The following PHKB variants were observed in gnomAD, a reference collection of about 807,000 sequenced individuals.
The protein encoded by PHKB is phosphorylase kinase regulatory subunit beta.
Under a neutral mutation model 152.1 loss-of-function variants are expected in PHKB, and 122 were observed. The ratio of observed to expected loss-of-function variants is 0.80; its 90% confidence interval spans 0.69 to 0.93. PHKB has a LOEUF of 0.93. PHKB is among the 40% of genes least tolerant of loss of function. PHKB has a pLI of 0.00. For synonymous variants in PHKB, 436 were observed against 464.9 expected, an observed-to-expected ratio of 0.94 and a Z score of 0.80; for missense variants, 1,304 against 1,328.4, an observed-to-expected ratio of 0.98 and a Z score of 0.29.
chr16:47,535,861 C>T (rs989584537), intron 6 of PHKB, among the ~76,000 whole-genome samples: 1 of 152,158 alleles, frequency 6.6e-6, no homozygotes. Flanking sequence ...CTAGCTCTTT[C>T]CAATTAGAAA....
rs939342171 is a variant in PHKB at position 47,701,024 on chromosome 16, G to T, written c.*1658G>T. The T allele has an allele frequency of 1.3e-5, 2 of 152,128 alleles. No individual in the cohort carries two copies. Among genetic ancestry groups the T allele is most frequent in the African/African-American group, 4.8e-5 (2 of 41,442 alleles). 9.4% of individuals were successfully genotyped at this position (152,128 alleles called of 1,614,324 possible). A position where few individuals can be genotyped will look rare whatever the true frequency, so the allele number is the denominator to read the frequency against. The stretch of plus-strand genomic sequence containing the variant: ...TAAGGAGGGGGATTGACAAAGAATA[G>T]AATTAAACTACTTGACTCAATATGT... On this transcript the variant is annotated 3_prime_UTR_variant, in exon 31 of 31. Transcript: ENST00000323584.
chr16:47,470,165 G>A (rs1420549671), intron 1 of PHKB, among the ~76,000 whole-genome samples: 1 of 152,134 alleles, frequency 6.6e-6, no homozygotes, highest in Non-Finnish European at 1.5e-5. Flanking sequence ...GGGAAATCAG[G>A]GGTCTCACAG....
intron 1 of PHKB, 142 bp downstream of exon 1, chr16:47,461,568 G>C (rs950023161): frequency 1.2e-6 from 1 of 835,852 alleles, no homozygotes; most frequent in East Asian, 2.6e-5. Context: ...GGCGGCCCTG[G>C]CCTTGTTTCT....
intron 13 of PHKB, among the ~76,000 whole-genome samples, chr16:47,605,988 C>T (rs1227144874): frequency 4.6e-5 from 7 of 152,102 alleles, no homozygotes. Flanking sequence ...GGTTCATCAT[C>T]TATAAAGTGA....
At chr16:47,631,883 G>T (rs1233578731) in intron 14 of PHKB, among the ~76,000 whole-genome samples, 1 of 152,080 alleles carries the variant, frequency 6.6e-6, no homozygotes, top group Non-Finnish European at 1.5e-5. Flanking sequence ...CATCATTGAT[G>T]GGCATTTGGG....
intron 15 of PHKB, 88 bp downstream of exon 15, chr16:47,641,178 G>A (rs1774864828): frequency 9.8e-7 from 1 of 1,023,998 alleles, no homozygotes; most frequent in African/African-American, 1.6e-5. Flanking sequence ...ATTGATTATG[G>A]TAGAAGAGAT....
At chr16:47,555,741 T>C (rs999977557) in intron 7 of PHKB, among the ~76,000 whole-genome samples, 3 of 152,226 alleles carry the variant, frequency 2.0e-5, no homozygotes, top group South Asian at 2.1e-4. Flanking sequence ...TGGCTTAGGA[T>C]TGACTTGGCG....
chr16:47,664,610 T>G (rs1973504810), intron 24 of PHKB, among the ~76,000 whole-genome samples: 1 of 152,160 alleles, frequency 6.6e-6, no homozygotes, highest in Admixed American at 6.5e-5. Context: ...AGTTAAATCT[T>G]TCAAATTTTC....
At chr16:47,681,806 C>T (rs1021602859) in intron 26 of PHKB, among the ~76,000 whole-genome samples, 12 of 152,002 alleles carry the variant, frequency 7.9e-5, no homozygotes, top group South Asian at 2.1e-4. Flanking sequence ...TATTTGGTTC[C>T]GTCATTATGA....
At chr16:47,699,071 A>G (rs1432038493) in intron 30 of PHKB, 158 bp from the exon 31 acceptor site, 4 of 700,198 alleles carry the variant, frequency 5.7e-6, no homozygotes, top group Admixed American at 4.7e-5. Flanking sequence ...TGTTTTATAT[A>G]CACCTCAGGA....
intron 4 of PHKB, among the ~76,000 whole-genome samples, chr16:47,510,145 G>A (rs971767563): frequency 6.6e-6 from 1 of 152,178 alleles, no homozygotes; most frequent in African/African-American, 2.4e-5. Context: ...GGTATCTGGG[G>A]TGCATTACCC....
chr16:47,616,274 T>C (rs971261330), intron 14 of PHKB, among the ~76,000 whole-genome samples: 40 of 152,008 alleles, frequency 2.6e-4, no homozygotes, highest in Admixed American at 2.4e-3. Context: ...GATTTGTGTC[T>C]GTGTTTTCTT....
intron 8 of PHKB, among the ~76,000 whole-genome samples, chr16:47,580,644 A>AT (rs1971828370): frequency 6.7e-6 from 1 of 149,826 alleles, no homozygotes; most frequent in Non-Finnish European, 1.5e-5. Flanking sequence ...TCTATTACTC[A>AT]TTTTGTAGAA....
intron 6 of PHKB, among the ~76,000 whole-genome samples, chr16:47,532,416 GC>G (rs1165505468): frequency 6.6e-6 from 1 of 152,164 alleles, no homozygotes; most frequent in Admixed American, 6.6e-5. Context: ...TGGCACCTTT[GC>G]CCAAGTTTTG....
chr16:47,576,528 T>C (rs1971752320), intron 7 of PHKB, among the ~76,000 whole-genome samples: 1 of 152,238 alleles, frequency 6.6e-6, no homozygotes, highest in African/African-American at 2.4e-5. Flanking sequence ...TCTGTCTAGT[T>C]GTTCTACCAA....
intron 1 of PHKB, among the ~76,000 whole-genome samples, chr16:47,494,695 C>T (rs1970203454): frequency 6.6e-6 from 1 of 152,200 alleles, no homozygotes; most frequent in East Asian, 1.9e-4. Context: ...GAAAAATTAA[C>T]ATTTTACAAT....
intron 14 of PHKB, among the ~76,000 whole-genome samples, chr16:47,616,507 G>GTAAATATAAATATATATTTATAATATA (rs1182214285): frequency 7.0e-6 from 1 of 142,416 alleles, no homozygotes; most frequent in Non-Finnish European, 1.5e-5. Context: ...ATATTTATAT[G>GTAAATATAAATATATATTTATAATATA]TAAATATAAA....
At chr16:47,592,230 C>T (rs1019454313) in intron 10 of PHKB, among the ~76,000 whole-genome samples, 2 of 152,200 alleles carry the variant, frequency 1.3e-5, no homozygotes, top group African/African-American at 4.8e-5. Flanking sequence ...TTCGGTATTA[C>T]CAGCTGCTCA....
rs1973595154 is a variant in PHKB, at chr16:47,669,303, G to T, written c.2516G>T (p.Cys839Phe). The T allele has an allele frequency of 1.2e-6, 2 of 1,613,826 alleles. No individual in the cohort carries two copies. The highest frequency in any genetic ancestry group is 1.7e-5 in the Admixed American group (1 of 59,988). ...RVIQNIIYYK[C>F]NTHDEREAVI... The stretch of plus-strand genomic sequence containing the variant: ...ATTCAAAACATCATCTATTATAAGT[G>T]TAACACCCATGATGAGAGGGAAGCG... The change falls in exon 26 of 31, where the codon TGT becomes TTT. Residue 839 changes from cysteine to phenylalanine, a missense_variant. Transcript: ENST00000323584.
Sources: gnomAD v4.1 joint callset for allele counts (sites outside exome capture counted in the v4.1 genomes callset) on GRCh38, gnomAD v4.1.1 for gene constraint, MANE v1.5 for transcripts, NCBI Gene and HGNC (gene_info 2026-07-23, HGNC 2026-07-21) for gene names.